IFI16: variants seen among roughly 807,000 people sequenced by gnomAD.
IFI16 encodes the protein interferon gamma inducible protein 16.
IFI16 carries 49 observed loss-of-function variants against 68.4 expected under a neutral mutation model. The ratio of observed to expected loss-of-function variants is 0.72; its 90% CI spans 0.57 to 0.91. IFI16 has a LOEUF of 0.91. IFI16 is among the 40% of genes least tolerant of loss of function. The pLI is 0.00. For missense variants in IFI16, 878 were observed against 942.9 expected (o/e 0.93, Z 0.90); for synonymous variants, 307 against 315.0 (o/e 0.97, Z 0.27).
intron 7 of IFI16, among the ~76,000 whole-genome samples, chr1:159,043,364 A>G (rs975903995): frequency 2.0e-5 from 3 of 152,236 alleles, no homozygotes; most frequent in African/African-American, 7.2e-5. Context: ...ACTTTCTAAG[A>G]CCTTGCCTGC....
intron 6 of IFI16, among the ~76,000 whole-genome samples, chr1:159,029,920 G>A (rs867281835): frequency 3.9e-5 from 6 of 152,044 alleles, no homozygotes; most frequent in African/African-American, 7.2e-5. Flanking sequence ...GACCTCAGGC[G>A]ATCCACCTGC....
intron 7 of IFI16, among the ~76,000 whole-genome samples, chr1:159,043,996 A>G (rs1231507260): frequency 6.6e-6 from 1 of 152,210 alleles, no homozygotes; most frequent in East Asian, 1.9e-4. Context: ...CAAGGGCATC[A>G]TAAAGCATGA....
intron 6 of IFI16, among the ~76,000 whole-genome samples, chr1:159,024,711 C>G (rs571513479): frequency 6.6e-6 from 1 of 151,926 alleles, no homozygotes; most frequent in East Asian, 1.9e-4. Flanking sequence ...TTTATTTCCA[C>G]AAAGTATGAG....
chr1:159,039,593 C>T (rs1410984793), intron 7 of IFI16, among the ~76,000 whole-genome samples: 1 of 152,172 alleles, frequency 6.6e-6, no homozygotes, highest in African/African-American at 2.4e-5. Context: ...ATCCTCCCGC[C>T]TCGGCCTCCC....
intron 6 of IFI16, among the ~76,000 whole-genome samples, chr1:159,028,306 A>T (rs888382049): frequency 6.6e-6 from 1 of 152,062 alleles, no homozygotes; most frequent in Non-Finnish European, 1.5e-5. Flanking sequence ...TTTAATTTCC[A>T]TGTATTTGCA....
At chr1:159,044,928 A>G (rs11265134) in intron 7 of IFI16, among the ~76,000 whole-genome samples, 25,886 of 151,588 alleles carry the variant, frequency 0.17, 2,690 homozygotes, top group East Asian at 0.3. Context: ...TTGATGAGAA[A>G]GGCCTAGTTA....
intron 8 of IFI16, among the ~76,000 whole-genome samples, chr1:159,048,952 A>G (rs1379847727): frequency 4.0e-5 from 6 of 151,464 alleles, no homozygotes; most frequent in Non-Finnish European, 8.9e-5. Flanking sequence ...AATTTGAGAG[A>G]ATCTTCCTGT....
chr1:159,010,266 T>C lies in IFI16; in HGVS notation c.-21+105T>C, dbSNP rs1176171081. On this transcript the variant is annotated intron_variant, in intron 1 of 11. Transcript: ENST00000295809. Reference sequence around the variant, plus strand: ...TTGGTTATTCAGGGTCATGGGATGATGGGAGTAGGGCTGAGTATTCAGAAA... The same window carrying C: ...TTGGTTATTCAGGGTCATGGGATGACGGGAGTAGGGCTGAGTATTCAGAAA... The C allele has an allele frequency of 2.0e-5, 3 of 152,194 alleles. No homozygotes were observed. The East Asian group carries it at 5.8e-4, about 29-fold the overall frequency. 9.4% of individuals were successfully genotyped at this position (152,194 alleles called of 1,614,324 possible).
Position 159,019,436 on chromosome 1 carries a change from C to A in IFI16, c.972+785C>A, listed in dbSNP as rs577090361. 3.9e-5 allele frequency among the ~76,000 whole-genome samples: 6 copies of A among 151,922 alleles called. No individual in the cohort carries two copies. The East Asian group carries it at 1.2e-3, about 29-fold the overall frequency. ...ATTATATTTGTTTCCTAGAACAACT[C>A]ATTAACCTGCGTTACTTTCTGTACA... On this transcript the variant is annotated intron_variant, in intron 5 of 11. Transcript: ENST00000295809.
intron 1 of IFI16, among the ~76,000 whole-genome samples, chr1:159,011,379 T>G (rs1652547581): frequency 1.1e-5 from 1 of 91,532 alleles, no homozygotes; most frequent in African/African-American, 2.7e-5. Flanking sequence ...CAAGGCTCTG[T>G]CTCAAAAAAA....
chr1:159,017,673 T>C (rs139033371), intron 4 of IFI16, among the ~76,000 whole-genome samples: 7,114 of 152,136 alleles, frequency 0.047, 201 homozygotes, highest in Non-Finnish European at 0.064. Context: ...CGTGGCATAA[T>C]CTCGGCTCAC....
At chr1:159,034,204 T>A (rs1011648064) in intron 7 of IFI16, among the ~76,000 whole-genome samples, 1 of 152,122 alleles carries the variant, frequency 6.6e-6, no homozygotes, top group African/African-American at 2.4e-5. Context: ...TAAAGCAACA[T>A]AAGGCTGGGT....
chr1:159,045,576 A>T lies in IFI16; in HGVS notation c.1497+112A>T, dbSNP rs1029379857. On this transcript the variant is annotated intron_variant, in intron 8 of 11. Transcript: ENST00000295809. ...CCTACTACATACAATGCTTTAATTT[A>T]ACCAAATCAGTCATTTATTTATCAA... 4.2e-5 allele frequency: 47 copies of T among 1,120,432 alleles called. 1 individual carries two copies. Among genetic ancestry groups the T allele is most frequent in the Non-Finnish European group, 5.5e-5 (43 of 779,932 alleles). 69.4% of individuals were successfully genotyped at this position (1,120,432 alleles called of 1,614,324 possible).
At chr1:159,000,816 G>C (rs1458185182) in intron 1 of IFI16, among the ~76,000 whole-genome samples, 4 of 152,100 alleles carry the variant, frequency 2.6e-5, no homozygotes, top group Non-Finnish European at 5.9e-5. Flanking sequence ...GGCTCATGGG[G>C]GTGGATCCCT....
intron 6 of IFI16, among the ~76,000 whole-genome samples, chr1:159,031,868 G>A (rs919888907): frequency 6.6e-6 from 1 of 152,196 alleles, no homozygotes; most frequent in Non-Finnish European, 1.5e-5. Context: ...AATTAGGAGG[G>A]TGGGGAACCA....
Position 159,032,612 on chromosome 1 carries a change from C to T in IFI16, c.1250C>T (p.Ala417Val), listed in dbSNP as rs759379113. ...EQRQLPYPSEASTTFPESHLR... is the reference protein window; with the variant it reads ...EQRQLPYPSEVSTTFPESHLR... ...CGTCAGCTTCCATATCCTTCAGAGG[C>T]CAGCACAACCTTCCCTGAGAGCCAT... Residue 417 changes from alanine (A) to valine (V), a missense_variant, in exon 7 of 12, where the codon GCC becomes GTC. Ala to Val is a moderately conservative substitution (Grantham distance 64). Coordinates refer to ENST00000295809, the MANE Select transcript of IFI16 (RefSeq NM_001376587.1). The T allele has an allele frequency of 8.7e-6, 14 of 1,612,930 alleles. No individual in the cohort carries two copies. The highest frequency in any genetic ancestry group is 2.5e-6 in the Non-Finnish European group (3 of 1,179,416).
chr1:159,012,543 T>G (rs1652634786), intron 1 of IFI16, among the ~76,000 whole-genome samples: 1 of 152,246 alleles, frequency 6.6e-6, no homozygotes, highest in Non-Finnish European at 1.5e-5. Flanking sequence ...GCAAATAAAT[T>G]GTGCTGTCAC....
chr1:159,050,874 G>A (rs1204950108), intron 9 of IFI16, among the ~76,000 whole-genome samples: 2 of 152,108 alleles, frequency 1.3e-5, no homozygotes, highest in Non-Finnish European at 2.9e-5. Flanking sequence ...GTCTTCCAGT[G>A]GCTGCCTTAA....
At chr1:159,019,538 A>C (rs1653163509) in intron 5 of IFI16, among the ~76,000 whole-genome samples, 1 of 151,030 alleles carries the variant, frequency 6.6e-6, no homozygotes, top group Admixed American at 6.6e-5. Context: ...GGCTCACTGC[A>C]ACCTTCGCCT....
Sources: gnomAD v4.1 joint callset for allele counts (sites outside exome capture counted in the v4.1 genomes callset) on GRCh38, gnomAD v4.1.1 for gene constraint, MANE v1.5 for transcripts, NCBI Gene and HGNC (gene_info 2026-07-23, HGNC 2026-07-21) for gene names.